Variants in DGKB observed in about 807,000 individuals in gnomAD.
The protein encoded by DGKB is 90 kDa diacylglycerol kinase.
Under a neutral mutation model 114.3 loss-of-function variants are expected in DGKB, and 67 were observed. The ratio of observed to expected loss-of-function variants is 0.59; its 90% confidence interval spans 0.48 to 0.72. DGKB has a LOEUF of 0.72. Ranked by LOEUF, DGKB falls within the 30% of genes least tolerant of loss-of-function variation. The pLI, the probability that DGKB is intolerant of heterozygous loss-of-function variation, is 0.00. For missense variants in DGKB, 907 were observed against 975.2 expected (o/e 0.93, Z 0.93); for synonymous variants, 398 against 323.1 (o/e 1.23, Z -2.49).
intron 21 of DGKB, among the ~76,000 whole-genome samples, chr7:14,383,456 T>C (rs7804436): frequency 0.011 from 1,648 of 152,324 alleles, 29 homozygotes; most frequent in African/African-American, 0.038. Flanking sequence ...AACAGACGTC[T>C]ATTATTTTTT....
At chr7:14,489,160 G>A (rs910096541) in intron 20 of DGKB, among the ~76,000 whole-genome samples, 3 of 152,164 alleles carry the variant, frequency 2.0e-5, no homozygotes, top group Non-Finnish European at 4.4e-5. Context: ...TAGGGTTCCA[G>A]TGTGTTTTGG....
chr7:14,755,048 A>C (rs962769576), intron 3 of DGKB, among the ~76,000 whole-genome samples: 1 of 152,272 alleles, frequency 6.6e-6, no homozygotes, highest in Middle Eastern at 3.4e-3. Flanking sequence ...TTCTTAAAAT[A>C]GTTTCTTTAT....
chr7:14,435,510 T>C (rs1829104319), intron 21 of DGKB, among the ~76,000 whole-genome samples: 1 of 152,214 alleles, frequency 6.6e-6, no homozygotes, highest in Middle Eastern at 3.4e-3. Context: ...GTGAGTATAG[T>C]AAATGATCAT....
At chr7:14,344,202 G>A (rs1478634340) in intron 22 of DGKB, among the ~76,000 whole-genome samples, 1 of 151,190 alleles carries the variant, frequency 6.6e-6, no homozygotes, top group Admixed American at 6.6e-5. Context: ...CTGTAATTAT[G>A]TTCCTTTCAA....
intron 16 of DGKB, among the ~76,000 whole-genome samples, chr7:14,610,157 C>G (rs780274838): frequency 1.3e-5 from 2 of 151,856 alleles, no homozygotes; most frequent in African/African-American, 4.8e-5. Flanking sequence ...AAAGAAAATG[C>G]GGTACATATA....
intron 2 of DGKB, among the ~76,000 whole-genome samples, chr7:14,766,235 T>C (rs369121262): frequency 4.6e-5 from 7 of 151,958 alleles, no homozygotes; most frequent in African/African-American, 1.7e-4. Context: ...ATATGCCTAA[T>C]CCTATAGTTT....
intron 23 of DGKB, among the ~76,000 whole-genome samples, chr7:14,292,855 C>T (rs1801975905): frequency 6.6e-6 from 1 of 152,120 alleles, no homozygotes; most frequent in African/African-American, 2.4e-5. Flanking sequence ...AAGAACAAGA[C>T]AAATAAACAG....
intron 20 of DGKB, among the ~76,000 whole-genome samples, chr7:14,539,464 T>C (rs540621973): frequency 6.6e-6 from 1 of 152,312 alleles, no homozygotes; most frequent in East Asian, 1.9e-4. Context: ...AAAGTGATTG[T>C]ATAACTTCAT....
chr7:14,888,209 C>A (rs1000460010), intron 1 of DGKB, among the ~76,000 whole-genome samples: 6 of 151,644 alleles, frequency 4.0e-5, no homozygotes, highest in Admixed American at 1.3e-4. Flanking sequence ...ATGATGCATA[C>A]TGATAGCAGA....
intron 7 of DGKB, among the ~76,000 whole-genome samples, chr7:14,699,078 A>G: frequency 6.6e-6 from 1 of 152,028 alleles, no homozygotes; most frequent in East Asian, 1.9e-4. Context: ...CTCTTTTGGG[A>G]AGCCGTGTTT....
intron 1 of DGKB, among the ~76,000 whole-genome samples, chr7:14,936,159 A>G (rs1263995730): frequency 1.3e-5 from 2 of 152,198 alleles, no homozygotes; most frequent in Non-Finnish European, 2.9e-5. Flanking sequence ...GTATTTTCAG[A>G]GCAAAGTGAG....
intron 21 of DGKB, among the ~76,000 whole-genome samples, chr7:14,386,858 A>C (rs1820424436): frequency 6.6e-6 from 1 of 152,070 alleles, no homozygotes. Context: ...AATTAAAGTA[A>C]TTTTTAAGTT....
At chr7:14,475,285 C>G (rs1345539593) in intron 21 of DGKB, among the ~76,000 whole-genome samples, 3 of 152,062 alleles carry the variant, frequency 2.0e-5, no homozygotes, top group Admixed American at 2.0e-4. Context: ...ATGGCTGAGC[C>G]TGTCGCAATG....
chr7:14,451,550 T>C lies in DGKB; in HGVS notation c.1835+26611A>G, dbSNP rs542577381. ...TATAATAAATCTCTCTATCTGTCTC[T>C]CTCTCTCTCTCTCTCTCTCTCTCTC... On this transcript the variant is annotated intron_variant, in intron 21 of 25. Coordinates refer to ENST00000402815, the MANE Select transcript of DGKB (RefSeq NM_001350709.2). 1.5e-3 allele frequency among the ~76,000 whole-genome samples: 206 copies of C among 138,500 alleles called. 1 individual carries two copies. The highest frequency in any genetic ancestry group is 5.3e-3 in the African/African-American group (197 of 36,986). The allele number at this position is 138,500 out of a possible 152,430, so 90.9% of individuals were successfully genotyped here.
intron 23 of DGKB, among the ~76,000 whole-genome samples, chr7:14,308,453 A>G (rs1804839621): frequency 6.6e-6 from 1 of 152,216 alleles, no homozygotes; most frequent in Admixed American, 6.5e-5. Flanking sequence ...GTATAAAAAC[A>G]TGTTTAAAAG....
intron 1 of DGKB, among the ~76,000 whole-genome samples, chr7:14,866,953 G>A (rs147215021): frequency 1.1e-3 from 162 of 152,226 alleles, no homozygotes; most frequent in Non-Finnish European, 1.2e-3. Flanking sequence ...TCTCACTGAT[G>A]TTTAATTTGC....
chr7:14,693,965 C>G, intron 9 of DGKB, 110 bp downstream of exon 9: 1 of 1,275,424 alleles, frequency 7.8e-7, no homozygotes, highest in Non-Finnish European at 1.1e-6. Flanking sequence ...TCCAGGCACT[C>G]ACTGCATGCT....
intron 21 of DGKB, among the ~76,000 whole-genome samples, chr7:14,416,867 T>C (rs1018523528): frequency 6.6e-6 from 1 of 152,106 alleles, no homozygotes; most frequent in African/African-American, 2.4e-5. Flanking sequence ...CAACGCTCCC[T>C]TTGTCTGGCA....
At chr7:14,940,514 C>T (rs560260701) in intron 1 of DGKB, among the ~76,000 whole-genome samples, 1 of 152,136 alleles carries the variant, frequency 6.6e-6, no homozygotes, top group South Asian at 2.1e-4. Flanking sequence ...TCAAAATTGA[C>T]TGCAAAAATT....
Sources: allele counts gnomAD v4.1 joint callset (sites outside exome capture counted in the v4.1 genomes callset), GRCh38; gene constraint gnomAD v4.1.1; transcripts MANE v1.5; gene names NCBI Gene and HGNC (gene_info 2026-07-23, HGNC 2026-07-21).